The following DST variants were observed in gnomAD, a reference collection of about 807,000 sequenced individuals.
DST encodes bullous pemphigoid antigen.
In DST, 253 loss-of-function variants were observed where a neutral mutation model predicts 875.2. That is an observed-to-expected ratio of 0.29 (90% confidence interval 0.26 to 0.32). The LOEUF is 0.32. DST is among the 10% of genes least tolerant of loss of function. The pLI, the probability that DST is intolerant of heterozygous loss-of-function variation, is 1.00. For missense variants in DST, 8,287 were observed against 9,111.6 expected, an observed-to-expected ratio of 0.91 and a Z score of 3.68; for synonymous variants, 3,124 against 3,197.1, an observed-to-expected ratio of 0.98 and a Z score of 0.77.
intron 4 of DST, among the ~76,000 whole-genome samples, chr6:56,779,894 T>G (rs1355904318): frequency 8.6e-5 from 9 of 104,606 alleles, no homozygotes; most frequent in African/African-American, 2.7e-4. Flanking sequence ...CCCCATAACA[T>G]TCCCCAGAGT....
intron 4 of DST, among the ~76,000 whole-genome samples, chr6:56,736,008 G>T (rs545391494): frequency 6.6e-6 from 1 of 151,834 alleles, no homozygotes; most frequent in Non-Finnish European, 1.5e-5. Flanking sequence ...ACAGGTATGC[G>T]CCACCATACC....
chr6:56,579,632 G>A (rs2097928536), intron 49 of DST, among the ~76,000 whole-genome samples: 1 of 152,122 alleles, frequency 6.6e-6, no homozygotes, highest in Non-Finnish European at 1.5e-5. Flanking sequence ...TTAAGAAAGT[G>A]TGGATTTGGG....
chr6:56,727,255 G>A (rs951870163), intron 5 of DST, among the ~76,000 whole-genome samples: 1 of 152,122 alleles, frequency 6.6e-6, no homozygotes, highest in African/African-American at 2.4e-5. Flanking sequence ...CTGAACCAAT[G>A]TACATCTTAC....
rs147498980 is a variant in DST at position 56,619,601 on chromosome 6, T to G, written c.4929+4929A>C. On this transcript the variant is annotated intron_variant, in intron 36 of 103. Coordinates refer to ENST00000680361, the MANE Select transcript of DST (RefSeq NM_001374736.1). ...TTCTCTTTGTAGTTTCCCTTTTTCA[T>G]GATTAAGAGATTCTAATTCTAACTG... is the stretch of plus-strand genomic sequence containing the variant. 31 of 1,613,920 alleles carry G rather than the reference T, an allele frequency of 1.9e-5. No homozygotes were observed. The highest frequency in any genetic ancestry group is 6.7e-5 in the Admixed American group (4 of 59,996).
chr6:56,812,417 A>T (rs1050124946), intron 4 of DST, among the ~76,000 whole-genome samples: 7 of 152,228 alleles, frequency 4.6e-5, no homozygotes, highest in African/African-American at 1.4e-4. Context: ...CTAAAATAAA[A>T]TTTTTCAGAA....
chr6:56,734,881 G>A (rs575144335), intron 5 of DST, among the ~76,000 whole-genome samples: 1 of 152,048 alleles, frequency 6.6e-6, no homozygotes, highest in South Asian at 2.1e-4. Context: ...TGAATCTTGA[G>A]AGAGAAAAAA....
chr6:56,829,249 G>C (rs552818042), intron 4 of DST, among the ~76,000 whole-genome samples: 25 of 152,264 alleles, frequency 1.6e-4, no homozygotes, highest in African/African-American at 6.0e-4. Flanking sequence ...ACAACACATA[G>C]TGACAAAATA....
chr6:56,645,878 G>T lies in DST; in HGVS notation c.1766C>A (p.Pro589Gln). 1 of 1,613,630 alleles carries T rather than the reference G, an allele frequency of 6.2e-7. No homozygotes were observed. ...ACCTCTGGCCTACCTTTCTACTTCTGGACGAAGGGCCTTCTCTCTCTCTAG... is the reference window on the plus strand; with the variant it reads ...ACCTCTGGCCTACCTTTCTACTTCTTGACGAAGGGCCTTCTCTCTCTCTAG... ...AMLEREKALR[P>Q]EVERLEMLQQ... Residue 589 changes from proline (P) to glutamine (Q), a missense_variant, in exon 15 of 104, where the codon CCA becomes CAA. This residue lies in a region of DST where 1,160 missense variants were observed against 1,424.3 expected (regional missense o/e 0.81). Coordinates refer to ENST00000680361, the MANE Select transcript of DST (RefSeq NM_001374736.1).
At chr6:56,771,015 G>C (rs906665505) in intron 4 of DST, among the ~76,000 whole-genome samples, 2 of 144,938 alleles carry the variant, frequency 1.4e-5, no homozygotes, top group African/African-American at 2.5e-5. Flanking sequence ...AAAAAAAAAA[G>C]AAAAATCCAG....
At position 56,464,655 on chromosome 6, in the gene DST, A is replaced by C. The variant is rs1490983027; in HGVS notation, c.22759+30T>G. The C allele has an allele frequency of 3.4e-6, 5 of 1,464,928 alleles. 1 individual carries two copies. The highest frequency in any genetic ancestry group is 2.4e-5 in the South Asian group (2 of 82,902). 90.7% of individuals were successfully genotyped at this position (1,464,928 alleles called of 1,614,324 possible). A position where few individuals can be genotyped will look rare whatever the true frequency, so the allele number is the denominator to read the frequency against. ...AAAAGTAGGAAAGAGAAAAGGAAAG[A>C]GGGGAGAGGCAAAGAGAGAGGTTGC... On this transcript the variant is annotated intron_variant, in intron 100 of 103. Transcript: ENST00000680361.
intron 2 of DST, 118 bp downstream of exon 2, chr6:56,953,667 G>C (rs778623871): frequency 4.3e-6 from 3 of 689,876 alleles, no homozygotes; most frequent in Non-Finnish European, 6.4e-6. Flanking sequence ...CTTTCGGCTA[G>C]GGGACAGCAT....
At chr6:56,642,660 A>C in intron 15 of DST, 157 bp from the exon 16 acceptor site, 1 of 1,614,200 alleles carries the variant, frequency 6.2e-7, no homozygotes, top group Non-Finnish European at 8.5e-7. Context: ...AGCTAATGCA[A>C]GAGTTGATCA....
chr6:56,524,415 G>T (rs2096760556), intron 69 of DST, among the ~76,000 whole-genome samples: 1 of 151,570 alleles, frequency 6.6e-6, no homozygotes, highest in African/African-American at 2.4e-5. Context: ...AAGAATTTTA[G>T]AAAAAAAATG....
intron 4 of DST, chr6:56,742,441 T>A: frequency 1.0e-6 from 1 of 981,204 alleles, no homozygotes; most frequent in Non-Finnish European, 1.4e-6. Flanking sequence ...AAACACTGAC[T>A]AGACACTCCT....
At chr6:56,776,933 T>G (rs1590070569) in intron 4 of DST, among the ~76,000 whole-genome samples, 1 of 152,178 alleles carries the variant, frequency 6.6e-6, no homozygotes, top group South Asian at 2.1e-4. Flanking sequence ...AAGTCAGTTT[T>G]GAGGAGACAG....
At position 56,573,749 on chromosome 6, in the gene DST, C is replaced by T. The variant is rs893870630; in HGVS notation, c.13166G>A (p.Ser4389Asn). ...EMLDWMGNVE[S>N]SLKEQGQVPL... ...CACTTGACCTTGTTCTTTCAGAGAACTTTCCACATTTCCCATCCAGTCCAG... is the reference window on the plus strand; with the variant it reads ...CACTTGACCTTGTTCTTTCAGAGAATTTTCCACATTTCCCATCCAGTCCAG... The change falls in exon 51 of 104, where the codon AGT becomes AAT. Residue 4389 changes from serine to asparagine, a missense_variant. Physicochemically the swap from Ser to Asn is conservative, Grantham distance 46 (BLOSUM62 1). This residue lies in a region of DST where 1,513 missense variants were observed against 1,677.8 expected (regional missense o/e 0.90). Coordinates refer to ENST00000680361, the MANE Select transcript of DST (RefSeq NM_001374736.1). 1.2e-6 allele frequency: 2 copies of T among 1,613,674 alleles called. No individual in the cohort carries two copies. Among genetic ancestry groups the T allele is most frequent in the Middle Eastern group, 1.6e-4 (1 of 6,062 alleles).
intron 5 of DST, among the ~76,000 whole-genome samples, chr6:56,709,227 A>G (rs959883425): frequency 5.9e-5 from 9 of 152,214 alleles, no homozygotes; most frequent in Non-Finnish European, 8.8e-5. Flanking sequence ...ACTTAAAAGA[A>G]TATCCCAAGA....
chr6:56,721,172 C>T (rs868828755), intron 5 of DST, among the ~76,000 whole-genome samples: 4 of 118,312 alleles, frequency 3.4e-5, no homozygotes, highest in East Asian at 2.0e-4. Flanking sequence ...CCAGATGGGG[C>T]GGCTGCCGGG....
At chr6:56,858,286 A>G (rs779104887) in intron 3 of DST, among the ~76,000 whole-genome samples, 1 of 152,170 alleles carries the variant, frequency 6.6e-6, no homozygotes, top group Non-Finnish European at 1.5e-5. Flanking sequence ...AAGGAAGTCA[A>G]AGGTTTCTTT....
Sources: allele counts gnomAD v4.1 joint callset (sites outside exome capture counted in the v4.1 genomes callset), GRCh38; gene constraint gnomAD v4.1.1; regional missense constraint gnomAD v4.1.1; transcripts MANE v1.5; gene names NCBI Gene and HGNC (gene_info 2026-07-23, HGNC 2026-07-21).